The following ANO8 variants were observed in gnomAD, a reference collection of about 807,000 sequenced individuals.
ANO8 encodes anoctamin 8.
ANO8 carries 67 observed loss-of-function variants against 120.4 expected under a neutral mutation model. That is an observed-to-expected ratio of 0.56 (90% CI 0.46 to 0.68). The LOEUF (loss-of-function observed/expected upper bound fraction) is 0.68, where lower values mean the gene tolerates loss of function less well. ANO8 is among the 30% of genes least tolerant of loss of function. ANO8 has a pLI of 0.00. For synonymous variants in ANO8, 727 were observed against 759.2 expected (o/e 0.96, Z 0.70); for missense variants, 1,526 against 1,737.6 (o/e 0.88, Z 2.16).
Position 17,331,397 on chromosome 19 carries a change from C to T in ANO8, c.601G>A (p.Ala201Thr). ...EDQPIIPELA[A>T]RGIIQQVFPV... ...AACACCTGCTGGATGATCCCACGTG[C>T]TGCCAGCTCCGGGACTGTGGAGGGA... The change falls in exon 6 of 18, where the codon GCA (alanine) becomes ACA (threonine). Residue 201 changes from alanine to threonine, a missense_variant. Around this residue, in one of 8 missense-constraint regions of ANO8, gnomAD observed 322 missense variants for 431.8 expected, o/e 0.75. Transcript: ENST00000159087. 6.2e-7 allele frequency: 1 copy of T among 1,613,728 alleles called. No homozygotes were observed. Among genetic ancestry groups the T allele is most frequent in the Non-Finnish European group, 8.5e-7 (1 of 1,179,974 alleles).
chr19:17,333,919 C>T lies in ANO8; in HGVS notation c.107-119G>A. 1.2e-6 allele frequency: 1 copy of T among 814,604 alleles called. No individual in the cohort carries two copies. Among genetic ancestry groups the T allele is most frequent in the South Asian group, 1.6e-5 (1 of 62,360 alleles). 50.5% of individuals were successfully genotyped at this position (814,604 alleles called of 1,614,324 possible). ...ACCACTCCACCTGGCATTCAAGGCCCCGGGAGCTCTGGGCTTGGCTTATTT... is the reference window on the plus strand; with the variant it reads ...ACCACTCCACCTGGCATTCAAGGCCTCGGGAGCTCTGGGCTTGGCTTATTT... On this transcript the variant is annotated intron_variant, in intron 1 of 17. Coordinates refer to ENST00000159087, the MANE Select transcript of ANO8 (RefSeq NM_020959.3). The surrounding 1 kb of genome is among the most constrained non-coding windows in gnomAD (Gnocchi z 7.2).
chr19:17,327,624 G>C lies in ANO8; in HGVS notation c.2419-55C>G, dbSNP rs2074281453. The C allele has an allele frequency of 2.5e-6, 4 of 1,608,864 alleles. No individual in the cohort carries two copies. The South Asian group carries it at 4.4e-5, about 18-fold the overall frequency. On this transcript the variant is annotated intron_variant, in intron 14 of 17. Coordinates refer to ENST00000159087, the MANE Select transcript of ANO8 (RefSeq NM_020959.3). The stretch of plus-strand genomic sequence containing the variant: ...GTCCAGCCGGCCTCCCCAGACCCCA[G>C]GCTCCTCCCAGCTGCACCTGGGCTC...
At position 17,324,942 on chromosome 19, in the gene ANO8, G is replaced by A. The variant is rs371292684; in HGVS notation, c.3106C>T (p.Arg1036Trp). 2.2e-5 allele frequency: 36 copies of A among 1,613,170 alleles called. No individual in the cohort carries two copies. The highest frequency in any genetic ancestry group is 2.0e-4 in the South Asian group (18 of 91,086). ...SFKFLKSPET[R>W]RDSERSHSPP... ...GAGTGGCTGCGCTCAGAGTCCCGCCGGGTCTCGGGTGACTTGAGGAACTTG... is the reference window on the plus strand; with the variant it reads ...GAGTGGCTGCGCTCAGAGTCCCGCCAGGTCTCGGGTGACTTGAGGAACTTG... The change falls in exon 17 of 18, where the codon CGG becomes TGG. Residue 1036 changes from arginine to tryptophan, a missense_variant. Physicochemically the swap from Arg to Trp is moderately radical, Grantham distance 101. Transcript: ENST00000159087.
In ANO8 at chr19:17,323,462, C is replaced by T. The variant is rs1487951729; in HGVS notation, c.*55G>A. On this transcript the variant is annotated 3_prime_UTR_variant, in exon 18 of 18. Coordinates refer to ENST00000159087, the MANE Select transcript of ANO8 (RefSeq NM_020959.3). ...CGCATTTTGCATTTTGGAGACCGGC[C>T]GCCCCTGTGAATGACTGATATTGCA... is the stretch of plus-strand genomic sequence containing the variant. 2.3e-6 allele frequency: 3 copies of T among 1,283,322 alleles called. No individual in the cohort carries two copies. The highest frequency in any genetic ancestry group is 1.5e-5 in the African/African-American group (1 of 65,766). 79.5% of individuals were successfully genotyped at this position (1,283,322 alleles called of 1,614,324 possible). A position where few individuals can be genotyped will look rare whatever the true frequency, so the allele number is the denominator to read the frequency against.
intron 12 of ANO8, 29 bp from the exon 13 acceptor site, chr19:17,329,012 C>G: frequency 2.1e-6 from 3 of 1,424,426 alleles, no homozygotes; most frequent in Non-Finnish European, 1.8e-6. Context: ...AGGAGAGAGG[C>G]GCGTGGGGGG....
At chr19:17,332,044 C>G (rs1233010233) in intron 5 of ANO8, among the ~76,000 whole-genome samples, 1 of 148,598 alleles carries the variant, frequency 6.7e-6, no homozygotes, top group African/African-American at 2.5e-5. Flanking sequence ...AAGCGATTCT[C>G]CTGCCTCAGC....
chr19:17,328,097 C>G, intron 13 of ANO8, 65 bp downstream of exon 13: 1 of 1,378,888 alleles, frequency 7.3e-7, no homozygotes, highest in Non-Finnish European at 9.7e-7. Flanking sequence ...CGGCCTTCAC[C>G]CTCGGACGGT....
chr19:17,330,901 G>A lies in ANO8; in HGVS notation c.920C>T (p.Ala307Val). 6.2e-7 allele frequency: 1 copy of A among 1,614,158 alleles called. No individual in the cohort carries two copies. Among genetic ancestry groups the A allele is most frequent in the South Asian group, 1.1e-5 (1 of 91,078 alleles). ...CGTCCCCCACTTATATGCCAGCTCA[G>A]CCCCTCTCCGCTTCCATTCCTCTAG... is the stretch of plus-strand genomic sequence containing the variant. ...LFLEEWKRRG[A>V]ELAYKWGTLD... Residue 307 changes from alanine (A) to valine (V), a missense_variant, in exon 8 of 18, where the codon GCT (alanine) becomes GTT (valine). Physicochemically the swap from Ala to Val is moderately conservative, Grantham distance 64. Around this residue, in one of 8 missense-constraint regions of ANO8, gnomAD observed 322 missense variants for 431.8 expected, o/e 0.75. Coordinates refer to ENST00000159087, the MANE Select transcript of ANO8 (RefSeq NM_020959.3).
intron 1 of ANO8, among the ~76,000 whole-genome samples, 164 bp downstream of exon 1, chr19:17,334,401 T>C (rs2145693758): frequency 6.6e-6 from 1 of 152,108 alleles, no homozygotes; most frequent in East Asian, 1.9e-4. Context: ...CGAAGCACCG[T>C]CCCAGCCCCG....
At position 17,323,619 on chromosome 19, in the gene ANO8, G is replaced by T; in HGVS notation, c.3597C>A (p.Pro1199=). 1 of 1,237,692 alleles carries T rather than the reference G, an allele frequency of 8.1e-7. No individual in the cohort carries two copies. Among genetic ancestry groups the T allele is most frequent in the Non-Finnish European group, 1.0e-6 (1 of 983,704 alleles). The allele number at this position is 1,237,692 out of a possible 1,614,324, so 76.7% of individuals were successfully genotyped here. The stretch of plus-strand genomic sequence containing the variant: ...GATCCGAGGTGGGCGGTAGCGGTGG[G>T]GGCGGGAGGCTGTAAAAGCTGGCGT... The part of the protein sequence containing the change: ...PGDASFYSLP[P]PPLPPTSDPL... Residue 1199 remains proline, a synonymous_variant, in exon 18 of 18, where the codon CCC becomes CCA. Coordinates refer to ENST00000159087, the MANE Select transcript of ANO8 (RefSeq NM_020959.3).
chr19:17,324,182 G>C (rs2074257594), intron 17 of ANO8, among the ~76,000 whole-genome samples: 1 of 121,430 alleles, frequency 8.2e-6, no homozygotes, highest in South Asian at 3.1e-4. Flanking sequence ...GGTTGCTGGA[G>C]CCCAGGCTGG....
chr19:17,331,239 A>G, intron 6 of ANO8, 24 bp from the exon 7 acceptor site: 1 of 1,614,170 alleles, frequency 6.2e-7, no homozygotes, highest in Non-Finnish European at 8.5e-7. Flanking sequence ...AGTGGGTCTC[A>G]GTCACCCCCT....
chr19:17,328,682 T>C lies in ANO8; in HGVS notation c.1706A>G (p.Glu569Gly). 6.7e-6 allele frequency: 9 copies of C among 1,341,516 alleles called. No individual in the cohort carries two copies. Among genetic ancestry groups the C allele is most frequent in the South Asian group, 1.6e-5 (1 of 60,854 alleles). 83.1% of individuals were successfully genotyped at this position (1,341,516 alleles called of 1,614,324 possible). Residue 569 changes from glutamate to glycine, a missense_variant, in exon 13 of 18, where the codon GAA becomes GGA. Coordinates refer to ENST00000159087, the MANE Select transcript of ANO8 (RefSeq NM_020959.3). ...AALVERRRAGEGGEEGDGPPG... is the reference protein window; with the variant it reads ...AALVERRRAGGGGEEGDGPPG... ...AGGCCCGTCCCCCTCCTCCCCGCCTTCCCCCGCCCGCCGCCGCTCCACCAG... is the reference window on the plus strand; with the variant it reads ...AGGCCCGTCCCCCTCCTCCCCGCCTCCCCCCGCCCGCCGCCGCTCCACCAG...
intron 16 of ANO8, among the ~76,000 whole-genome samples, chr19:17,326,742 C>T (rs1205707410): frequency 6.6e-6 from 1 of 152,158 alleles, no homozygotes; most frequent in Non-Finnish European, 1.5e-5. Flanking sequence ...CTCCTTGGCC[C>T]ATTCTGTAGC....
rs1381428560 is a variant in ANO8, at chr19:17,328,885, G to A, written c.1503C>T (p.Gly501=). 6.7e-6 allele frequency: 10 copies of A among 1,502,890 alleles called. No individual in the cohort carries two copies. Among genetic ancestry groups the A allele is most frequent in the Non-Finnish European group, 8.8e-6 (10 of 1,130,210 alleles). 93.1% of individuals were successfully genotyped at this position (1,502,890 alleles called of 1,614,324 possible). A position where few individuals can be genotyped will look rare whatever the true frequency, so the allele number is the denominator to read the frequency against. Residue 501 remains glycine (G), a synonymous_variant, in exon 13 of 18, where the codon GGC becomes GGT. Transcript: ENST00000159087. ...LYRRLGRGEL[G]LRAVWELARA... ...GGGCCAGCTCCCAGACGGCCCGCAG[G>A]CCCAGCTCGCCGCGGCCCAGGCGCC...
rs1470374593 is a variant in ANO8 at position 17,324,859 on chromosome 19, C to G, written c.3189G>C (p.Glu1063Asp). 6.2e-7 allele frequency: 1 copy of G among 1,612,780 alleles called. No homozygotes were observed. The highest frequency in any genetic ancestry group is 1.7e-5 in the Admixed American group (1 of 60,008). ...GCCCGCCCGCCCCGTTGGACCCAGGCTCAGCCCGGGTGCCACCAAAGGGGA... is the reference window on the plus strand; with the variant it reads ...GCCCGCCCGCCCCGTTGGACCCAGGGTCAGCCCGGGTGCCACCAAAGGGGA... ...KLFPFGGTRA[E>D]PGSNGAGGQA... is the part of the protein sequence containing the mutation. Residue 1063 changes from glutamate to aspartate, a missense_variant, in exon 17 of 18, where the codon GAG becomes GAC. Around this residue, in one of 8 missense-constraint regions of ANO8, gnomAD observed 489 missense variants for 548.6 expected, o/e 0.89. Coordinates refer to ENST00000159087, the MANE Select transcript of ANO8 (RefSeq NM_020959.3).
intron 5 of ANO8, among the ~76,000 whole-genome samples, chr19:17,332,181 C>T (rs546622474): frequency 2.1e-5 from 3 of 142,774 alleles, no homozygotes; most frequent in South Asian, 2.3e-4. Flanking sequence ...GTGATACGCC[C>T]GCCTCAGCCT....
intron 13 of ANO8, 95 bp from the exon 14 acceptor site, chr19:17,327,975 C>G: frequency 6.6e-7 from 1 of 1,505,668 alleles, no homozygotes; most frequent in Non-Finnish European, 9.0e-7. Context: ...CATGTGGACC[C>G]AGGGCCTGTC....
chr19:17,325,207 A>C lies in ANO8; in HGVS notation c.2841T>G (p.Ser947=). 6.2e-7 allele frequency: 1 copy of C among 1,612,590 alleles called. No homozygotes were observed. Among genetic ancestry groups the C allele is most frequent in the Non-Finnish European group, 8.5e-7 (1 of 1,179,784 alleles). The change falls in exon 17 of 18, where the codon TCT becomes TCG. Residue 947 remains serine (S), a synonymous_variant. Coordinates refer to ENST00000159087, the MANE Select transcript of ANO8 (RefSeq NM_020959.3). ...CCGCAGTGCTGCCCTTGGCCTTGGCAGAGGCCTTCTCGGAGGAGGTGGCAG... is the reference window on the plus strand; with the variant it reads ...CCGCAGTGCTGCCCTTGGCCTTGGCCGAGGCCTTCTCGGAGGAGGTGGCAG... ...LDPATSSEKA[S]AKAKGSTAGG...
Sources: allele counts gnomAD v4.1 joint callset (sites outside exome capture counted in the v4.1 genomes callset), GRCh38; gene constraint gnomAD v4.1.1; regional missense constraint gnomAD v4.1.1; non-coding constraint Gnocchi (gnomAD v3.1); transcripts MANE v1.5; gene names NCBI Gene and HGNC (gene_info 2026-07-23, HGNC 2026-07-21).